Variants in ARFGEF3 observed in about 807,000 individuals in gnomAD.
ARFGEF3 encodes ARFGEF family member 3.
In ARFGEF3, 96 loss-of-function variants were observed where a neutral mutation model predicts 221.7. The ratio of observed to expected loss-of-function variants is 0.43; its 90% confidence interval spans 0.37 to 0.51. ARFGEF3 has a LOEUF of 0.51. ARFGEF3 is among the 20% of genes least tolerant of loss of function. The pLI is 0.00. For missense variants in ARFGEF3, 2,410 were observed against 2,789.9 expected, an observed-to-expected ratio of 0.86 and a Z score of 3.07; for synonymous variants, 1,145 against 1,126.8, an observed-to-expected ratio of 1.02 and a Z score of -0.32.
intron 4 of ARFGEF3, among the ~76,000 whole-genome samples, chr6:138,221,156 A>G (rs1044691242): frequency 6.6e-6 from 1 of 152,096 alleles, no homozygotes; most frequent in African/African-American, 2.4e-5. Flanking sequence ...ATTTTCTAGC[A>G]TGGCAGGTTA....
chr6:138,250,153 G>T lies in ARFGEF3; in HGVS notation c.666-3727G>T, dbSNP rs555435529. 1.9e-3 allele frequency among the ~76,000 whole-genome samples: 292 copies of T among 152,310 alleles called. 1 individual carries two copies. Among genetic ancestry groups the T allele is most frequent in the South Asian group, 0.011 (52 of 4,830 alleles). On this transcript the variant is annotated intron_variant, in intron 8 of 33. Transcript: ENST00000251691. The stretch of plus-strand genomic sequence containing the variant: ...ACCTCAACAGCCATTTCCAAAATCA[G>T]TGCCTCTTAGGGCTTTAGCTCTGTA...
At position 138,188,094 on chromosome 6, in the gene ARFGEF3, A is replaced by C. The variant is rs76111362; in HGVS notation, c.137+17381A>C. On this transcript the variant is annotated intron_variant, in intron 2 of 33. Transcript: ENST00000251691. ...TTATTGAGAAATTCCCTTTTTCTCC[A>C]TGTGAACATCTTTATCAGCCTCCAG... Among the ~76,000 whole-genome samples, 1,172 of 152,322 alleles carry C rather than the reference A, an allele frequency of 7.7e-3. 15 individuals carry two copies. The highest frequency in any genetic ancestry group is 0.027 in the African/African-American group (1,107 of 41,574).
At chr6:138,186,829 G>C (rs115202747) in intron 2 of ARFGEF3, among the ~76,000 whole-genome samples, 2,885 of 150,628 alleles carry the variant, frequency 0.019, 90 homozygotes, top group African/African-American at 0.064. Context: ...AGACTCTGCT[G>C]CTCTTCTCAC....
chr6:138,320,376 A>G (rs1780002485), intron 28 of ARFGEF3, among the ~76,000 whole-genome samples: 1 of 152,142 alleles, frequency 6.6e-6, no homozygotes, highest in South Asian at 2.1e-4. Context: ...TATTGATGGC[A>G]CTTTGTAAAG....
chr6:138,293,196 AC>A (rs1448887377), intron 19 of ARFGEF3, among the ~76,000 whole-genome samples: 1 of 152,180 alleles, frequency 6.6e-6, no homozygotes, highest in Non-Finnish European at 1.5e-5. Context: ...CTGCGGTGTC[AC>A]TAGGCTTGGA....
chr6:138,238,590 A>G lies in ARFGEF3; in HGVS notation c.502A>G (p.Ser168Gly). Residue 168 changes from serine to glycine, a missense_variant, in exon 6 of 34, where the codon AGT (serine) becomes GGT (glycine). Physicochemically the swap from Ser to Gly is moderately conservative, Grantham distance 56. Around this residue, in one of 5 missense-constraint regions of ARFGEF3, gnomAD observed 570 missense variants for 586.9 expected, o/e 0.97. Coordinates refer to ENST00000251691, the MANE Select transcript of ARFGEF3 (RefSeq NM_020340.5). Reference sequence around the variant, plus strand: ...GCGGGCAACTCTCAGTCAAATGCTGAGTGACTTGACTTTACAGTTACGACA... The same window carrying G: ...GCGGGCAACTCTCAGTCAAATGCTGGGTGACTTGACTTTACAGTTACGACA... ...AVRATLSQMLSDLTLQLRQRQ... is the reference protein window; with the variant it reads ...AVRATLSQMLGDLTLQLRQRQ... 1 of 1,613,740 alleles carries G rather than the reference A, an allele frequency of 6.2e-7. No homozygotes were observed. Among genetic ancestry groups the G allele is most frequent in the Non-Finnish European group, 8.5e-7 (1 of 1,179,694 alleles).
At chr6:138,281,577 G>A (rs1235417751) in intron 14 of ARFGEF3, among the ~76,000 whole-genome samples, 2 of 152,184 alleles carry the variant, frequency 1.3e-5, no homozygotes, top group Non-Finnish European at 2.9e-5. Flanking sequence ...TTGGTTTTCT[G>A]TTCCTGCATT....
Position 138,262,830 on chromosome 6 carries a change from T to C in ARFGEF3, c.1347T>C (p.Gly449=). 6.2e-7 allele frequency: 1 copy of C among 1,613,980 alleles called. No individual in the cohort carries two copies. Among genetic ancestry groups the C allele is most frequent in the Non-Finnish European group, 8.5e-7 (1 of 1,179,880 alleles). Residue 449 remains glycine, a synonymous_variant, in exon 12 of 34, where the codon GGT becomes GGC. Transcript: ENST00000251691. ...GCCAGGGGAAGGGCTTGAGCGAAGG[T>C]CAGGTGCAACTGCTGCTTCTGCGCC... ...ELSQGKGLSE[G]QVQLLLLRLE... is the part of the protein sequence containing the mutation.
At chr6:138,303,006 A>T (rs1176309613) in intron 22 of ARFGEF3, among the ~76,000 whole-genome samples, 1 of 152,216 alleles carries the variant, frequency 6.6e-6, no homozygotes, top group East Asian at 1.9e-4. Flanking sequence ...CTCCTAATTT[A>T]TTTCAAAAAC....
chr6:138,204,987 C>T (rs1777601799), intron 2 of ARFGEF3, among the ~76,000 whole-genome samples: 1 of 152,182 alleles, frequency 6.6e-6, no homozygotes, highest in East Asian at 1.9e-4. Context: ...TGTCAACAAC[C>T]TGGCTCAGGT....
chr6:138,334,549 C>T lies in ARFGEF3; in HGVS notation c.5703C>T (p.Val1901=). Residue 1901 remains valine, a synonymous_variant, in exon 33 of 34, where the codon GTC becomes GTT. Coordinates refer to ENST00000251691, the MANE Select transcript of ARFGEF3 (RefSeq NM_020340.5). The surrounding 1 kb of genome is among the most constrained non-coding windows in gnomAD (Gnocchi z 5.1). ...GCAACGCAGATTGGGTGTGGCTGGTCAAGAGGCTGCACAAGCTGTGCATGG... is the reference window on the plus strand; with the variant it reads ...GCAACGCAGATTGGGTGTGGCTGGTTAAGAGGCTGCACAAGCTGTGCATGG... ...PVSNADWVWL[V]KRLHKLCMEL... The T allele has an allele frequency of 6.2e-7, 1 of 1,613,094 alleles. No homozygotes were observed. Among genetic ancestry groups the T allele is most frequent in the Non-Finnish European group, 8.5e-7 (1 of 1,179,808 alleles).
In ARFGEF3 at chr6:138,189,054, G is replaced by C. The variant is rs141798913; in HGVS notation, c.138-17988G>C. Among the ~76,000 whole-genome samples the C allele has an allele frequency of 3.0e-3, 455 of 152,288 alleles. 5 individuals are homozygous for C. The highest frequency in any genetic ancestry group is 0.027 in the Middle Eastern group (8 of 292). On this transcript the variant is annotated intron_variant, in intron 2 of 33. Coordinates refer to ENST00000251691, the MANE Select transcript of ARFGEF3 (RefSeq NM_020340.5). ...CTTGTTGCCAAAATGAATTACTTAA[G>C]GGGAGTTATTTCATACATGGATGCA...
chr6:138,297,728 C>G (rs1227634831), intron 21 of ARFGEF3, among the ~76,000 whole-genome samples: 2 of 152,196 alleles, frequency 1.3e-5, no homozygotes, highest in East Asian at 3.9e-4. Context: ...TCCCCAACAT[C>G]TAGTGGCTTA....
chr6:138,312,770 C>T (rs184246719), intron 25 of ARFGEF3, among the ~76,000 whole-genome samples: 4 of 152,328 alleles, frequency 2.6e-5, no homozygotes, highest in Admixed American at 2.6e-4. Flanking sequence ...TGTGCAGTGG[C>T]ATGATCTCAG....
At chr6:138,295,584 T>G (rs1250132778) in intron 20 of ARFGEF3, among the ~76,000 whole-genome samples, 1 of 148,942 alleles carries the variant, frequency 6.7e-6, no homozygotes, top group African/African-American at 2.5e-5. Flanking sequence ...GAGCTGAGAT[T>G]GCACCACTGC....
At chr6:138,216,894 A>G (rs980419514) in intron 4 of ARFGEF3, 1 of 152,244 alleles carries the variant, frequency 6.6e-6, no homozygotes, top group African/African-American at 2.4e-5. Flanking sequence ...TGCTAAGTAA[A>G]TGGTTCTCAA....
At chr6:138,316,800 G>T (rs1779933787) in intron 26 of ARFGEF3, among the ~76,000 whole-genome samples, 1 of 152,238 alleles carries the variant, frequency 6.6e-6, no homozygotes. Context: ...AGTAGTGATA[G>T]TCGCACAACA....
rs368227072 is a variant in ARFGEF3 at position 138,266,626 on chromosome 6, G to T, written c.2128+3015G>T. On this transcript the variant is annotated intron_variant, in intron 12 of 33. Coordinates refer to ENST00000251691, the MANE Select transcript of ARFGEF3 (RefSeq NM_020340.5). ...CCACTTTGGGAGGCCGAGGCAGGCG[G>T]ATCATGAGGTTAGGAGATCGAGACC... 2.6e-5 allele frequency among the ~76,000 whole-genome samples: 4 copies of T among 152,162 alleles called. No homozygotes were observed. In the East Asian group the frequency reaches 7.8e-4, roughly 30 times the overall value.
rs570302301 is a variant in ARFGEF3, at chr6:138,321,964, A to AC, written c.4766+739_4766+740insC. Among the ~76,000 whole-genome samples, 5 of 152,256 alleles carry AC rather than the reference A, an allele frequency of 3.3e-5. No individual in the cohort carries two copies. The East Asian group carries it at 9.7e-4, about 29-fold the overall frequency. ...GGCAAGGAGGAGCAAGTCACATCTT[A>AC]ATGGATGGTGGCAGGCAAAGAGAGA... On this transcript the variant is annotated intron_variant, in intron 29 of 33. Coordinates refer to ENST00000251691, the MANE Select transcript of ARFGEF3 (RefSeq NM_020340.5).
Sources: allele counts gnomAD v4.1 joint callset (sites outside exome capture counted in the v4.1 genomes callset), GRCh38; gene constraint gnomAD v4.1.1; regional missense constraint gnomAD v4.1.1; non-coding constraint Gnocchi (gnomAD v3.1); transcripts MANE v1.5; gene names NCBI Gene and HGNC (gene_info 2026-07-23, HGNC 2026-07-21).